The following FAM163A variants were observed in gnomAD, a reference collection of about 807,000 sequenced individuals.
FAM163A encodes the protein protein FAM163A.
A neutral mutation model predicts 12.0 loss-of-function variants in FAM163A; 7 were observed. The observed-to-expected ratio is 0.58, with a 90% CI of 0.33 to 1.10. FAM163A has a LOEUF of 1.10. FAM163A is among the 50% of genes least tolerant of loss of function. FAM163A has a pLI of 0.03. For missense variants in FAM163A, 202 were observed against 218.6 expected, an observed-to-expected ratio of 0.92 and a Z score of 0.48; for synonymous variants, 101 against 91.0, an observed-to-expected ratio of 1.11 and a Z score of -0.62.
intron 1 of FAM163A, among the ~76,000 whole-genome samples, chr1:179,796,783 G>A (rs1235834774): frequency 6.6e-6 from 1 of 152,246 alleles, no homozygotes; most frequent in Non-Finnish European, 1.5e-5. Flanking sequence ...AGAAGGGAAA[G>A]GCTGTAGACA....
chr1:179,789,806 A>T (rs1368471654), intron 1 of FAM163A, among the ~76,000 whole-genome samples: 1 of 152,226 alleles, frequency 6.6e-6, no homozygotes. Context: ...ACTAAAAAAA[A>T]TGGTACAAAC....
chr1:179,813,906 G>A lies in FAM163A; in HGVS notation c.221G>A (p.Gly74Asp), dbSNP rs1313912135. Residue 74 changes from glycine (G) to aspartate (D), a missense_variant, in exon 5 of 5, where the codon GGC becomes GAC. Physicochemically the swap from Gly to Asp is moderately conservative, Grantham distance 94 (BLOSUM62 -1). Transcript: ENST00000341785. The part of the protein sequence containing the change: ...ACSSQALDGR[G>D]SLAPLTSEPC... ...AGCTCCCAAGCCCTGGACGGCAGAG[G>A]CAGCCTGGCGCCTCTCACCAGCGAG... 6.2e-7 allele frequency: 1 copy of A among 1,613,718 alleles called. No individual in the cohort carries two copies. Among genetic ancestry groups the A allele is most frequent in the Non-Finnish European group, 8.5e-7 (1 of 1,180,028 alleles).
intron 1 of FAM163A, among the ~76,000 whole-genome samples, chr1:179,792,989 G>A (rs1170852126): frequency 6.6e-6 from 1 of 151,760 alleles, no homozygotes; most frequent in Non-Finnish European, 1.5e-5. Flanking sequence ...GCATCTGAGA[G>A]GGATTAGTGG....
chr1:179,808,671 G>A (rs1694288269), intron 2 of FAM163A, among the ~76,000 whole-genome samples: 1 of 152,224 alleles, frequency 6.6e-6, no homozygotes. Flanking sequence ...TACCCATGCT[G>A]TTTTCGATTG....
chr1:179,781,849 G>A (rs935681933), intron 1 of FAM163A, among the ~76,000 whole-genome samples: 2 of 150,988 alleles, frequency 1.3e-5, no homozygotes, highest in African/African-American at 4.9e-5. Flanking sequence ...CAGGAGAATC[G>A]CTTGAGCCCA....
intron 1 of FAM163A, among the ~76,000 whole-genome samples, chr1:179,785,096 C>T (rs1001801365): frequency 2.6e-5 from 4 of 152,168 alleles, no homozygotes; most frequent in African/African-American, 9.7e-5. Context: ...CAATTAAAGG[C>T]GCAGTAATTC....
intron 1 of FAM163A, among the ~76,000 whole-genome samples, chr1:179,800,232 G>C (rs763605234): frequency 2.0e-5 from 3 of 152,178 alleles, no homozygotes; most frequent in Non-Finnish European, 4.4e-5. Flanking sequence ...CAGGGGTTCC[G>C]ACACACCTGT....
intron 1 of FAM163A, among the ~76,000 whole-genome samples, chr1:179,750,046 C>G (rs926082806): frequency 3.3e-5 from 5 of 152,154 alleles, no homozygotes; most frequent in African/African-American, 1.2e-4. Context: ...CTCAATCCAG[C>G]TGGTAGAACA....
chr1:179,735,082 G>A, the FAM163A span, among the ~76,000 whole-genome samples: 47 of 152,114 alleles, frequency 3.1e-4, no homozygotes, highest in Non-Finnish European at 5.3e-4. Flanking sequence ...GTTTTTCCTT[G>A]ATGTAGCTCT....
At chr1:179,776,972 A>C (rs1689070021) in intron 1 of FAM163A, among the ~76,000 whole-genome samples, 2 of 152,250 alleles carry the variant, frequency 1.3e-5, no homozygotes, top group Non-Finnish European at 2.9e-5. Context: ...GAATTATGCA[A>C]TATGTGAACT....
intron 1 of FAM163A, among the ~76,000 whole-genome samples, chr1:179,773,955 G>A (rs1406496895): frequency 6.6e-6 from 1 of 152,210 alleles, no homozygotes; most frequent in Non-Finnish European, 1.5e-5. Flanking sequence ...GAGCAAAGAG[G>A]GACTTTTGAG....
At chr1:179,788,751 C>T (rs527451923) in intron 1 of FAM163A, among the ~76,000 whole-genome samples, 1 of 152,310 alleles carries the variant, frequency 6.6e-6, no homozygotes, top group South Asian at 2.1e-4. Context: ...AGGGTTGCAG[C>T]TTTGCGGAGG....
Position 179,796,189 on chromosome 1 carries a change from A to G in FAM163A, c.-135-11609A>G, listed in dbSNP as rs12563743. 5.4e-3 allele frequency among the ~76,000 whole-genome samples: 820 copies of G among 151,916 alleles called. 18 individuals carry two copies. In the East Asian group the frequency reaches 0.072, roughly 13 times the overall value. On this transcript the variant is annotated intron_variant, in intron 1 of 4. Coordinates refer to ENST00000341785, the MANE Select transcript of FAM163A (RefSeq NM_173509.3). ...AACTTAAGGTTTGGGATGTACATCA[A>G]TGCTAATCTATCTATTTCTTCTCAA...
At chr1:179,738,944 C>T (rs1443374384), upstream of FAM163A, among the ~76,000 whole-genome samples, 1 of 152,112 alleles carries the variant, frequency 6.6e-6, no homozygotes, top group Non-Finnish European at 1.5e-5. Flanking sequence ...GTAATCAAGA[C>T]TGTATGGTAT....
rs117512902 is a variant in FAM163A at position 179,796,786 on chromosome 1, T to G, written c.-135-11012T>G. On this transcript the variant is annotated intron_variant, in intron 1 of 4. Transcript: ENST00000341785. ...GCAGAAAGCAGAAGAAGGGAAAGGCTGTAGACACTGTATCTTAACCTACTG... is the reference window on the plus strand; with the variant it reads ...GCAGAAAGCAGAAGAAGGGAAAGGCGGTAGACACTGTATCTTAACCTACTG... 8.5e-5 allele frequency among the ~76,000 whole-genome samples: 13 copies of G among 152,372 alleles called. No individual in the cohort carries two copies. In the East Asian group the frequency reaches 2.5e-3, roughly 29 times the overall value.
At chr1:179,735,599 G>A in the FAM163A span, among the ~76,000 whole-genome samples, 1 of 144,078 alleles carries the variant, frequency 6.9e-6, no homozygotes, top group Non-Finnish European at 1.5e-5. Flanking sequence ...TGCCTCCCGG[G>A]TTCACGCCAT....
intron 1 of FAM163A, among the ~76,000 whole-genome samples, chr1:179,806,345 A>G (rs900862933): frequency 1.3e-5 from 2 of 152,248 alleles, no homozygotes; most frequent in African/African-American, 4.8e-5. Context: ...GAATGAGAAC[A>G]TCTTGGAGAA....
intron 1 of FAM163A, among the ~76,000 whole-genome samples, chr1:179,791,753 G>C (rs1398736153): frequency 6.6e-6 from 1 of 152,146 alleles, no homozygotes; most frequent in Non-Finnish European, 1.5e-5. Flanking sequence ...CAAATGTTAG[G>C]ATAGCAAGAT....
chr1:179,770,303 C>T (rs1186632652), intron 1 of FAM163A, among the ~76,000 whole-genome samples: 1 of 152,134 alleles, frequency 6.6e-6, no homozygotes, highest in Non-Finnish European at 1.5e-5. Flanking sequence ...TGGCCATGGC[C>T]ACTACCCTAG....
Sources: gnomAD v4.1 joint callset for allele counts (sites outside exome capture counted in the v4.1 genomes callset) on GRCh38, gnomAD v4.1.1 for gene constraint, MANE v1.5 for transcripts, NCBI Gene and HGNC (gene_info 2026-07-23, HGNC 2026-07-21) for gene names.